Variants in SEC22A observed in about 807,000 individuals in gnomAD.
SEC22A encodes vesicle-trafficking protein SEC22a.
SEC22A carries 22 observed loss-of-function variants against 35.3 expected under a neutral mutation model. That is an observed-to-expected ratio of 0.62 (90% confidence interval 0.45 to 0.89). The LOEUF (loss-of-function observed/expected upper bound fraction) is 0.89. Ranked by LOEUF, SEC22A falls within the 40% of genes least tolerant of loss-of-function variation. The pLI is 0.00. For missense variants in SEC22A, 354 were observed against 362.5 expected (o/e 0.98, Z 0.19); for synonymous variants, 119 against 129.5 (o/e 0.92, Z 0.55).
At chr3:123,242,495 C>T (rs1937532755) in intron 4 of SEC22A, among the ~76,000 whole-genome samples, 1 of 122,022 alleles carries the variant, frequency 8.2e-6, no homozygotes, top group South Asian at 2.6e-4. Flanking sequence ...TTCTTTTTCC[C>T]CATTTCTTTT....
intron 6 of SEC22A, among the ~76,000 whole-genome samples, chr3:123,265,602 TG>T (rs1553713380): frequency 2.0e-5 from 2 of 98,264 alleles, no homozygotes; most frequent in Non-Finnish European, 4.4e-5. Context: ...GTCATGCTTG[TG>T]GTGGTCAAGT....
chr3:123,231,218 A>G (rs1576491989), intron 4 of SEC22A, among the ~76,000 whole-genome samples: 2 of 152,336 alleles, frequency 1.3e-5, no homozygotes, highest in South Asian at 2.1e-4. Context: ...GTAGTTGGAG[A>G]CTTAAATACA....
In SEC22A at chr3:123,273,934, ACCT is replaced by A. The variant is rs1326256579; in HGVS notation, c.*2216_*2218del. On this transcript the variant is annotated 3_prime_UTR_variant, in exon 7 of 7. Coordinates refer to ENST00000492595, the MANE Select transcript of SEC22A (RefSeq NM_012430.5). ...CTCGCACCAGTTTGGTTCAGGAGCTACCTCCTTGTCATTGAATTGACGAGTTAC... is the reference window on the plus strand; with the variant it reads ...CTCGCACCAGTTTGGTTCAGGAGCTACCTTGTCATTGAATTGACGAGTTAC... 6.6e-6 allele frequency: 1 copy of A among 152,236 alleles called. No individual in the cohort carries two copies. The highest frequency in any genetic ancestry group is 2.4e-5 in the African/African-American group (1 of 41,454). 9.4% of individuals were successfully genotyped at this position (152,236 alleles called of 1,614,324 possible). A position where few individuals can be genotyped will look rare whatever the true frequency, so the allele number is the denominator to read the frequency against.
At chr3:123,211,357 G>A (rs1473506209) in intron 2 of SEC22A, among the ~76,000 whole-genome samples, 2 of 152,152 alleles carry the variant, frequency 1.3e-5, no homozygotes, top group Non-Finnish European at 2.9e-5. Context: ...GATGACTGAA[G>A]CCTTGGAATT....
chr3:123,251,554 A>G (rs1490167631), intron 5 of SEC22A, among the ~76,000 whole-genome samples: 1 of 152,176 alleles, frequency 6.6e-6, no homozygotes, highest in East Asian at 1.9e-4. Flanking sequence ...AGTATTCCAC[A>G]TACACTCATT....
intron 6 of SEC22A, among the ~76,000 whole-genome samples, chr3:123,263,930 T>C (rs1455217319): frequency 6.6e-6 from 1 of 152,016 alleles, no homozygotes. Flanking sequence ...TGTTCCTTTT[T>C]TTTTTTTAAA....
intron 6 of SEC22A, among the ~76,000 whole-genome samples, chr3:123,265,250 G>GA (rs1403886398): frequency 6.6e-6 from 1 of 152,126 alleles, no homozygotes; most frequent in East Asian, 1.9e-4. Flanking sequence ...TTATATCAGA[G>GA]ACTTGAACAT....
At chr3:123,260,742 G>T (rs1043416058) in intron 6 of SEC22A, among the ~76,000 whole-genome samples, 1 of 152,094 alleles carries the variant, frequency 6.6e-6, no homozygotes, top group African/African-American at 2.4e-5. Flanking sequence ...CGTCTTTAGG[G>T]ACGTATTTTG....
In SEC22A at chr3:123,254,704, T is replaced by A. The variant is rs147005578; in HGVS notation, c.658-4820T>A. On this transcript the variant is annotated intron_variant, in intron 5 of 6. Coordinates refer to ENST00000492595, the MANE Select transcript of SEC22A (RefSeq NM_012430.5). The stretch of plus-strand genomic sequence containing the variant: ...TTGAGAGAGTAGACTACATTTGTTG[T>A]CTTGCTCCTTTACCCTCTATTTCTT... 3.9e-5 allele frequency among the ~76,000 whole-genome samples: 6 copies of A among 152,254 alleles called. No individual in the cohort carries two copies. The East Asian group carries it at 9.6e-4, about 24-fold the overall frequency.
At chr3:123,227,403 C>T (rs1470383276) in intron 4 of SEC22A, among the ~76,000 whole-genome samples, 2 of 150,758 alleles carry the variant, frequency 1.3e-5, no homozygotes, top group Non-Finnish European at 2.9e-5. Context: ...TCCAATTCAC[C>T]AATGAGAACA....
At chr3:123,241,034 CACA>C (rs1235304020) in intron 4 of SEC22A, among the ~76,000 whole-genome samples, 3 of 151,710 alleles carry the variant, frequency 2.0e-5, no homozygotes, top group Non-Finnish European at 4.4e-5. Flanking sequence ...CACACACACA[CACA>C]CACACATCCC....
Position 123,271,925 on chromosome 3 carries a change from T to G in SEC22A, c.*203T>G. The G allele has an allele frequency of 1.7e-6, 1 of 581,620 alleles. No homozygotes were observed. The highest frequency in any genetic ancestry group is 3.1e-6 in the Non-Finnish European group (1 of 327,354). The allele number at this position is 581,620 out of a possible 1,614,324, so 36.0% of individuals were successfully genotyped here. The stretch of plus-strand genomic sequence containing the variant: ...AGAATGTTGGCCATGAGACTATCAT[T>G]CAGAGGAGGAGGGGATTTCTCTCTT... On this transcript the variant is annotated 3_prime_UTR_variant, in exon 7 of 7. Transcript: ENST00000492595.
chr3:123,263,764 A>G (rs1937953600), intron 6 of SEC22A, among the ~76,000 whole-genome samples: 1 of 151,972 alleles, frequency 6.6e-6, no homozygotes, highest in African/African-American at 2.4e-5. Flanking sequence ...TCAGCCTCCC[A>G]AAGTGCTGGG....
rs530042586 is a variant in SEC22A, at chr3:123,233,379, G to C, written c.541+8082G>C. ...GGTATGTATTAGGGTATACTATCTA[G>C]GTTTGTGTAAATACACTCTATGACG... On this transcript the variant is annotated intron_variant, in intron 4 of 6. Coordinates refer to ENST00000492595, the MANE Select transcript of SEC22A (RefSeq NM_012430.5). Among the ~76,000 whole-genome samples, 5 of 152,204 alleles carry C rather than the reference G, an allele frequency of 3.3e-5. No individual in the cohort carries two copies. The East Asian group carries it at 7.7e-4, about 24-fold the overall frequency.
intron 2 of SEC22A, among the ~76,000 whole-genome samples, chr3:123,221,864 T>C (rs1937129587): frequency 1.3e-5 from 2 of 152,332 alleles, no homozygotes; most frequent in South Asian, 4.1e-4. Flanking sequence ...TTACCACATT[T>C]GTTTTCTCAT....
intron 6 of SEC22A, among the ~76,000 whole-genome samples, chr3:123,270,030 A>G (rs1259028215): frequency 1.3e-5 from 2 of 152,204 alleles, no homozygotes; most frequent in East Asian, 1.9e-4. Flanking sequence ...TGGACCAGAA[A>G]AAGGACCCTA....
intron 2 of SEC22A, among the ~76,000 whole-genome samples, chr3:123,211,713 C>T (rs1033440485): frequency 3.9e-5 from 6 of 152,134 alleles, no homozygotes; most frequent in Non-Finnish European, 8.8e-5. Context: ...CCTGCTTGGC[C>T]TCCCAAAGTA....
intron 4 of SEC22A, among the ~76,000 whole-genome samples, chr3:123,238,774 G>C (rs552671458): frequency 2.6e-5 from 4 of 152,056 alleles, no homozygotes; most frequent in African/African-American, 9.7e-5. Context: ...AGTCTGGCAT[G>C]AATGTTTTTA....
At chr3:123,240,060 A>C (rs1221091504) in intron 4 of SEC22A, among the ~76,000 whole-genome samples, 1 of 152,108 alleles carries the variant, frequency 6.6e-6, no homozygotes, top group East Asian at 1.9e-4. Flanking sequence ...AGAGCCTTGT[A>C]GAGGAGTTGG....
Sources: gnomAD v4.1 joint callset for allele counts (sites outside exome capture counted in the v4.1 genomes callset) on GRCh38, gnomAD v4.1.1 for gene constraint, MANE v1.5 for transcripts, NCBI Gene and HGNC (gene_info 2026-07-23, HGNC 2026-07-21) for gene names.